ADORA1: variants seen among roughly 807,000 people sequenced by gnomAD.
The protein encoded by ADORA1 is adenosine A1 receptor, also known as adenosine receptor A1.
A neutral mutation model predicts 19.9 loss-of-function variants in ADORA1; 6 were observed. The observed-to-expected ratio is 0.30, with a 90% CI of 0.17 to 0.59. The LOEUF (loss-of-function observed/expected upper bound fraction) is 0.59. Ranked by LOEUF, ADORA1 falls within the 20% of genes least tolerant of loss-of-function variation. The pLI is 0.87. For missense variants in ADORA1, 302 were observed against 439.2 expected (o/e 0.69, Z 2.79); for synonymous variants, 194 against 188.4 (o/e 1.03, Z -0.24).
chr1:203,139,937 T>C (rs1205451506), intron 3 of ADORA1, among the ~76,000 whole-genome samples: 1 of 152,176 alleles, frequency 6.6e-6, no homozygotes, highest in Non-Finnish European at 1.5e-5. Context: ...GAGTTTGGAT[T>C]TTTTTCTAAG....
Position 203,165,762 on chromosome 1 carries a change from G to C in ADORA1, c.843G>C (p.Ser281=). The C allele has an allele frequency of 6.2e-7, 1 of 1,613,888 alleles. No homozygotes were observed. The highest frequency in any genetic ancestry group is 1.3e-5 in the African/African-American group (1 of 75,036). Residue 281 remains serine, a synonymous_variant, in exon 4 of 4, where the codon TCG becomes TCC. Transcript: ENST00000337894. The surrounding 1 kb of genome is among the most constrained non-coding windows in gnomAD (Gnocchi z 5.9). The part of the protein sequence containing the change: ...YIAIFLTHGN[S]AMNPIVYAFR... ...CCATCTTCCTCACGCACGGCAACTCGGCCATGAACCCCATTGTCTATGCCT... is the reference window on the plus strand; with the variant it reads ...CCATCTTCCTCACGCACGGCAACTCCGCCATGAACCCCATTGTCTATGCCT...
chr1:203,150,804 G>C (rs1010058085), intron 3 of ADORA1: 1 of 1,159,404 alleles, frequency 8.6e-7, no homozygotes, highest in Non-Finnish European at 1.1e-6. Context: ...TGTCTTCTCT[G>C]TCCTCCCCCT....
rs139399401 is a variant in ADORA1, at chr1:203,129,303, G to T, written c.341+121G>T. ...TAAGCCAGATGTTCTTTGGGCCATC[G>T]TGCTCCAGTCCTCACTCTGCCTTTC... On this transcript the variant is annotated intron_variant, in intron 3 of 3. Transcript: ENST00000337894. The T allele has an allele frequency of 1.1e-3, 1,642 of 1,463,946 alleles. 9 individuals are homozygous for T. In the African/African-American group the frequency reaches 0.014, roughly 13 times the overall value. 90.7% of individuals were successfully genotyped at this position (1,463,946 alleles called of 1,614,324 possible).
intron 3 of ADORA1, among the ~76,000 whole-genome samples, chr1:203,144,404 T>A (rs553093120): frequency 6.6e-6 from 1 of 152,326 alleles, no homozygotes; most frequent in South Asian, 2.1e-4. Flanking sequence ...TGCTTAGGAT[T>A]GCTAGGCCCT....
At chr1:203,135,806 G>C (rs1482402749) in intron 3 of ADORA1, among the ~76,000 whole-genome samples, 2 of 151,970 alleles carry the variant, frequency 1.3e-5, no homozygotes, top group Non-Finnish European at 1.5e-5. Flanking sequence ...TGCCTTGTGA[G>C]GTTAAATATT....
chr1:203,132,999 T>A (rs1654389678), intron 3 of ADORA1, among the ~76,000 whole-genome samples: 1 of 152,234 alleles, frequency 6.6e-6, no homozygotes, highest in Non-Finnish European at 1.5e-5. Flanking sequence ...GTTGTGTGTT[T>A]TAGCTCCTAG....
chr1:203,141,187 G>A (rs1427325968), intron 3 of ADORA1, among the ~76,000 whole-genome samples: 2 of 92,952 alleles, frequency 2.2e-5, no homozygotes, highest in Non-Finnish European at 3.1e-5. Flanking sequence ...ATGGGGGCAC[G>A]CTGTGTCCCA....
rs147177376 is a variant in ADORA1 at position 203,129,033 on chromosome 1, C to T, written c.192C>T (p.Pro64=). 1 of 1,614,146 alleles carries T rather than the reference C, an allele frequency of 6.2e-7. No homozygotes were observed. Among genetic ancestry groups the T allele is most frequent in the Non-Finnish European group, 8.5e-7 (1 of 1,180,020 alleles). ...ADVAVGALVI[P]LAILINIGPQ... is the part of the protein sequence containing the mutation. Reference sequence around the variant, plus strand: ...TGGCCGTGGGTGCCCTGGTCATCCCCCTCGCCATCCTCATCAACATTGGGC... The same window carrying T: ...TGGCCGTGGGTGCCCTGGTCATCCCTCTCGCCATCCTCATCAACATTGGGC... The change falls in exon 3 of 4, where the codon CCC becomes CCT. Residue 64 remains proline, a synonymous_variant. Coordinates refer to ENST00000337894, the MANE Select transcript of ADORA1 (RefSeq NM_000674.3).
chr1:203,147,445 C>A (rs1278030286), intron 3 of ADORA1, among the ~76,000 whole-genome samples: 1 of 152,132 alleles, frequency 6.6e-6, no homozygotes, highest in Non-Finnish European at 1.5e-5. Flanking sequence ...CTTTCTTTTT[C>A]TGGGCTTCCT....
chr1:203,164,960 T>G, intron 3 of ADORA1: 1 of 1,420,896 alleles, frequency 7.0e-7, no homozygotes. Flanking sequence ...TGGGAGCAAT[T>G]TTTACTGTGG....
At chr1:203,153,250 C>T (rs1571802952) in intron 3 of ADORA1, among the ~76,000 whole-genome samples, 2 of 152,228 alleles carry the variant, frequency 1.3e-5, no homozygotes, top group East Asian at 1.9e-4. Context: ...TCCCTTTGCT[C>T]AGGTGCTGGG....
At chr1:203,131,208 C>T (rs544703531) in intron 3 of ADORA1, among the ~76,000 whole-genome samples, 1 of 152,256 alleles carries the variant, frequency 6.6e-6, no homozygotes, top group East Asian at 1.9e-4. Context: ...GAGCCCTACT[C>T]CTGCCACTCA....
chr1:203,147,329 T>G (rs947755290), intron 3 of ADORA1, among the ~76,000 whole-genome samples: 1 of 152,118 alleles, frequency 6.6e-6, no homozygotes, highest in African/African-American at 2.4e-5. Context: ...TTTCCTCGTA[T>G]CGGGGGAGGT....
intron 3 of ADORA1, among the ~76,000 whole-genome samples, chr1:203,134,583 C>T (rs1222655489): frequency 6.6e-6 from 1 of 152,276 alleles, no homozygotes; most frequent in South Asian, 2.1e-4. Context: ...GTCAGCTCTG[C>T]GTGGAAGCCG....
chr1:203,166,146 G>A lies in ADORA1; in HGVS notation c.*246G>A, dbSNP rs950047027. On this transcript the variant is annotated 3_prime_UTR_variant, in exon 4 of 4. Coordinates refer to ENST00000337894, the MANE Select transcript of ADORA1 (RefSeq NM_000674.3). ...CTACGGAGGGACCAGGTGTCTAGAG[G>A]CAACAGTGTTCTGAGCCCCCACCTG... 3 of 422,878 alleles carry A rather than the reference G, an allele frequency of 7.1e-6. No homozygotes were observed. Among genetic ancestry groups the A allele is most frequent in the Non-Finnish European group, 1.2e-5 (3 of 245,846 alleles). The allele number at this position is 422,878 out of a possible 1,614,324, so 26.2% of individuals were successfully genotyped here.
At chr1:203,151,664 C>T (rs1409938088) in intron 3 of ADORA1, among the ~76,000 whole-genome samples, 2 of 152,134 alleles carry the variant, frequency 1.3e-5, no homozygotes, top group African/African-American at 4.8e-5. Flanking sequence ...ACCTTCTCCT[C>T]CCATTGTGCC....
rs559069492 is a variant in ADORA1, at chr1:203,149,097, C to T, written c.342-16164C>T. Among the ~76,000 whole-genome samples the T allele has an allele frequency of 4.6e-5, 7 of 152,176 alleles. 1 individual carries two copies. In the South Asian group the frequency reaches 6.2e-4, roughly 14 times the overall value. On this transcript the variant is annotated intron_variant, in intron 3 of 3. Transcript: ENST00000337894. Reference sequence around the variant, plus strand: ...TTCACCATGTTACCCAGGCTGGTCGCGAACTCTTGACCTCAGGTGGTCCAC... The same window carrying T: ...TTCACCATGTTACCCAGGCTGGTCGTGAACTCTTGACCTCAGGTGGTCCAC...
intron 3 of ADORA1, among the ~76,000 whole-genome samples, chr1:203,151,858 A>G (rs1655048588): frequency 6.6e-6 from 1 of 151,944 alleles, no homozygotes; most frequent in Admixed American, 6.6e-5. Context: ...TTTACATTCC[A>G]TCTTGCCCCC....
chr1:203,145,793 G>A (rs1327768939), intron 3 of ADORA1, among the ~76,000 whole-genome samples: 1 of 152,238 alleles, frequency 6.6e-6, no homozygotes, highest in Non-Finnish European at 1.5e-5. Context: ...GTGGGAGGGA[G>A]GGGGATGGAT....
Sources: gnomAD v4.1 joint callset for allele counts (sites outside exome capture counted in the v4.1 genomes callset) on GRCh38, gnomAD v4.1.1 for gene constraint, Gnocchi (gnomAD v3.1) non-coding constraint, MANE v1.5 for transcripts, NCBI Gene and HGNC (gene_info 2026-07-23, HGNC 2026-07-21) for gene names.